Variants in PROM1 observed in about 807,000 individuals in gnomAD.
PROM1 encodes the protein prominin 1.
PROM1 carries 105 observed loss-of-function variants against 116.9 expected under a neutral mutation model. The ratio of observed to expected loss-of-function variants is 0.90; its 90% CI spans 0.77 to 1.06. The LOEUF (loss-of-function observed/expected upper bound fraction) is 1.06. Among genes scored for constraint, PROM1 ranks in the 50% least tolerant of loss-of-function variants. PROM1 has a pLI of 0.00. For missense variants in PROM1, 1,122 were observed against 1,045.2 expected (o/e 1.07, Z -1.01); for synonymous variants, 393 against 387.0 (o/e 1.02, Z -0.18).
chr4:16,064,801 G>C (rs1320942403), intron 2 of PROM1, among the ~76,000 whole-genome samples: 1 of 152,048 alleles, frequency 6.6e-6, no homozygotes, highest in East Asian at 1.9e-4. Flanking sequence ...GCAGAGGCAA[G>C]AGAATCACTT....
chr4:16,048,526 C>T (rs16892883), intron 2 of PROM1, among the ~76,000 whole-genome samples: 11,150 of 152,158 alleles, frequency 0.073, 648 homozygotes, highest in East Asian at 0.18. Context: ...GAATGTATCC[C>T]CGGTGCCTCC....
intron 13 of PROM1, among the ~76,000 whole-genome samples, chr4:16,005,873 G>A (rs563687392): frequency 1.9e-4 from 29 of 152,272 alleles, no homozygotes; most frequent in South Asian, 4.1e-4. Context: ...CTCTGGCCCC[G>A]GTTGCACCTG....
chr4:16,070,124 C>CA (rs1742475999), intron 2 of PROM1, among the ~76,000 whole-genome samples: 1 of 152,252 alleles, frequency 6.6e-6, no homozygotes, highest in Admixed American at 6.5e-5. Flanking sequence ...CTTTAGGCTA[C>CA]ATTTAATTTT....
chr4:15,973,713 T>A (rs745800617), intron 26 of PROM1, among the ~76,000 whole-genome samples: 17 of 152,108 alleles, frequency 1.1e-4, no homozygotes, highest in Non-Finnish European at 2.1e-4. Context: ...CTGGGAAAAA[T>A]AATCAAATTT....
intron 5 of PROM1, 66 bp from the exon 6 acceptor site, chr4:16,025,378 C>T (rs1730991853): frequency 6.3e-7 from 1 of 1,588,184 alleles, no homozygotes; most frequent in Non-Finnish European, 8.6e-7. Flanking sequence ...TGTCCAGGTC[C>T]AGGCAGCAGA....
intron 2 of PROM1, among the ~76,000 whole-genome samples, chr4:16,050,825 C>T (rs1737695879): frequency 6.6e-6 from 1 of 152,036 alleles, no homozygotes; most frequent in African/African-American, 2.4e-5. Flanking sequence ...TTTTGAAATC[C>T]CTTCATATAT....
intron 23 of PROM1, among the ~76,000 whole-genome samples, chr4:15,983,804 CAG>C (rs1370496406): frequency 1.3e-5 from 2 of 152,164 alleles, no homozygotes; most frequent in East Asian, 1.9e-4. Flanking sequence ...GATCCACTCA[CAG>C]AGAGAGTCAG....
At chr4:15,989,633 T>G in intron 19 of PROM1, 99 bp downstream of exon 19, 2 of 1,013,916 alleles carry the variant, frequency 2.0e-6, no homozygotes, top group Non-Finnish European at 3.0e-6. Flanking sequence ...CTGGGACCTA[T>G]GAGAGATGAG....
At chr4:16,052,918 A>G (rs1248333491) in intron 2 of PROM1, among the ~76,000 whole-genome samples, 1 of 152,238 alleles carries the variant, frequency 6.6e-6, no homozygotes. Flanking sequence ...CAGTAATGAG[A>G]CAAATTGACA....
chr4:16,050,337 T>C (rs1737582425), intron 2 of PROM1, among the ~76,000 whole-genome samples: 1 of 152,114 alleles, frequency 6.6e-6, no homozygotes, highest in East Asian at 1.9e-4. Flanking sequence ...CATGTTGCAC[T>C]GATACAGGGT....
chr4:16,037,352 G>C (rs906450454), intron 3 of PROM1, among the ~76,000 whole-genome samples: 2 of 152,128 alleles, frequency 1.3e-5, no homozygotes, highest in Admixed American at 1.3e-4. Context: ...CACGGTGCTG[G>C]GGAAGGCTGT....
Position 16,070,834 on chromosome 4 carries a change from A to G in PROM1, c.220+4853T>C, listed in dbSNP as rs560156737. The stretch of plus-strand genomic sequence containing the variant: ...TGAAGGGACTGTTTCTTACGAGGCA[A>G]TGCCATGTAGAATGTTCCTAAGGGA... On this transcript the variant is annotated intron_variant, in intron 2 of 27. Coordinates refer to ENST00000447510, the MANE Select transcript of PROM1 (RefSeq NM_006017.3). Among the ~76,000 whole-genome samples the G allele has an allele frequency of 5.9e-5, 9 of 152,314 alleles. No individual in the cohort carries two copies. In the South Asian group the frequency reaches 1.9e-3, roughly 32 times the overall value.
At chr4:15,985,275 A>G (rs1719043536) in intron 22 of PROM1, among the ~76,000 whole-genome samples, 1 of 152,186 alleles carries the variant, frequency 6.6e-6, no homozygotes, top group Admixed American at 6.5e-5. Context: ...AAGGGACTTG[A>G]GCACCCAAGG....
At chr4:16,074,350 T>C (rs573629272) in intron 2 of PROM1, among the ~76,000 whole-genome samples, 16 of 152,168 alleles carry the variant, frequency 1.1e-4, no homozygotes, top group Non-Finnish European at 1.9e-4. Flanking sequence ...ACCTACTAGG[T>C]ACCGACAAAA....
intron 19 of PROM1, among the ~76,000 whole-genome samples, 188 bp downstream of exon 19, chr4:15,989,544 G>A (rs541350443): frequency 1.3e-5 from 2 of 152,328 alleles, no homozygotes; most frequent in African/African-American, 4.8e-5. Flanking sequence ...AATGAAAAAC[G>A]GAAGGGAATA....
At chr4:16,022,843 GA>G (rs1372011552) in intron 8 of PROM1, among the ~76,000 whole-genome samples, 1 of 152,112 alleles carries the variant, frequency 6.6e-6, no homozygotes, top group Non-Finnish European at 1.5e-5. Context: ...TTTCAGGAAG[GA>G]AAAAGGAATC....
At chr4:16,041,879 C>T (rs1014616690) in intron 2 of PROM1, among the ~76,000 whole-genome samples, 16 of 151,694 alleles carry the variant, frequency 1.1e-4, no homozygotes, top group African/African-American at 3.6e-4. Flanking sequence ...TCGTGGTTCA[C>T]TGAAGGCTCA....
rs749128711 is a variant in PROM1 at position 16,033,412 on chromosome 4, C to G, written c.401G>C (p.Arg134Pro). 5 of 1,613,724 alleles carry G rather than the reference C, an allele frequency of 3.1e-6. No homozygotes were observed. Among genetic ancestry groups the G allele is most frequent in the Non-Finnish European group, 4.2e-6 (5 of 1,179,798 alleles). The change falls in exon 5 of 28, where the codon CGT becomes CCT. Residue 134 changes from arginine to proline, a missense_variant. Transcript: ENST00000447510. ...TTCTCCACCACATTTGTTACAGCAA[C>G]GACACATACAAAAGAAATACCCCAC... Reference protein sequence around the residue: ...PLVGYFFCMCRCCNKCGGEMH... With the variant: ...PLVGYFFCMCPCCNKCGGEMH...
At chr4:16,000,984 C>T (rs138265313) in intron 13 of PROM1, among the ~76,000 whole-genome samples, 6 of 152,234 alleles carry the variant, frequency 3.9e-5, no homozygotes, top group African/African-American at 9.6e-5. Context: ...TGAAAGCACA[C>T]GAGGAGCACA....
Sources: allele counts gnomAD v4.1 joint callset (sites outside exome capture counted in the v4.1 genomes callset), GRCh38; gene constraint gnomAD v4.1.1; transcripts MANE v1.5; gene names NCBI Gene and HGNC (gene_info 2026-07-23, HGNC 2026-07-21).